The following NAT16 variants were observed in gnomAD, a reference collection of about 807,000 sequenced individuals.
The protein encoded by NAT16 is probable N-acetyltransferase 16.
NAT16 carries 16 observed loss-of-function variants against 15.9 expected under a neutral mutation model. That is an observed-to-expected ratio of 1.01 (90% CI 0.68 to 1.53). The LOEUF (loss-of-function observed/expected upper bound fraction) is 1.53, where lower values mean the gene tolerates loss of function less well. Among genes scored for constraint, NAT16 ranks in the 40% most tolerant of loss-of-function variants. NAT16 has a pLI of 0.00. For missense variants in NAT16, 572 were observed against 508.4 expected, an observed-to-expected ratio of 1.13 and a Z score of -1.20; for synonymous variants, 260 against 241.9, an observed-to-expected ratio of 1.07 and a Z score of -0.69.
At chr7:101,174,043 G>A in intron 2 of NAT16, 1 of 241,810 alleles carries the variant, frequency 4.1e-6, no homozygotes, top group Non-Finnish European at 7.9e-6. Flanking sequence ...TCCACCTCTT[G>A]AGATGCTCCA....
In NAT16 at chr7:101,172,717, C is replaced by G; in HGVS notation, c.538-66G>C. 1 of 1,279,694 alleles carries G rather than the reference C, an allele frequency of 7.8e-7. No homozygotes were observed. The highest frequency in any genetic ancestry group is 1.6e-5 in the South Asian group (1 of 62,466). 79.3% of individuals were successfully genotyped at this position (1,279,694 alleles called of 1,614,324 possible). A position where few individuals can be genotyped will look rare whatever the true frequency, so the allele number is the denominator to read the frequency against. On this transcript the variant is annotated intron_variant, in intron 3 of 3. Coordinates refer to ENST00000300303, the MANE Select transcript of NAT16 (RefSeq NM_198571.3). The surrounding 1 kb of genome is among the most constrained non-coding windows in gnomAD (Gnocchi z 4.2). ...CAGGGCTGGCGAGCCCGGCGCCTCT[C>G]GGCAGGCATCTTCACTCCCACGTTC...
intron 1 of NAT16, among the ~76,000 whole-genome samples, chr7:101,179,769 G>T (rs1797551699): frequency 6.6e-6 from 1 of 151,660 alleles, no homozygotes; most frequent in African/African-American, 2.4e-5. Context: ...GATTGCAAAG[G>T]GAGCGATCTG....
chr7:101,177,866 C>T (rs4729667), intron 1 of NAT16, among the ~76,000 whole-genome samples: 80,230 of 151,968 alleles, frequency 0.53, 23,071 homozygotes, highest in Admixed American at 0.63. Context: ...CCAGCCCAAG[C>T]CCCAGACCTC....
Position 101,174,943 on chromosome 7 carries a change from C to CTTAT in NAT16, c.-4-136_-4-133dup, listed in dbSNP as rs796218591. On this transcript the variant is annotated intron_variant, in intron 1 of 3. Transcript: ENST00000300303. ...CTTTTTCTTTTCTTTTATTTATTTA[C>CTTAT]TTATTTACTTATTTATTTATTTATT... 2.4e-5 allele frequency: 27 copies of CTTAT among 1,130,236 alleles called. No individual in the cohort carries two copies. In the African/African-American group the frequency reaches 4.0e-4, roughly 17 times the overall value. 70.0% of individuals were successfully genotyped at this position (1,130,236 alleles called of 1,614,324 possible). A position where few individuals can be genotyped will look rare whatever the true frequency, so the allele number is the denominator to read the frequency against.
intron 1 of NAT16, among the ~76,000 whole-genome samples, chr7:101,178,891 A>AAAAAAT (rs1797529429): frequency 8.8e-6 from 1 of 113,212 alleles, no homozygotes; most frequent in Non-Finnish European, 2.2e-5. Context: ...AACGCTGTCA[A>AAAAAAT]AAAAAAAAAA....
In NAT16 at chr7:101,172,539, G is replaced by C. The variant is rs749290510; in HGVS notation, c.650C>G (p.Ser217Cys). The change falls in exon 4 of 4, where the codon TCC (serine) becomes TGC (cysteine). Residue 217 changes from serine (S) to cysteine (C), a missense_variant. Physicochemically the swap from Ser to Cys is moderately radical, Grantham distance 112. Coordinates refer to ENST00000300303, the MANE Select transcript of NAT16 (RefSeq NM_198571.3). This position sits in a 1 kb window ranked among gnomAD's most constrained non-coding sequence, Gnocchi z 4.2. ...GCGTGCCACGTCGCCGCCTGCCTCG[G>C]ACACGGCCTCGGTGGGCAGCGGCGA... ...TFSPLPTEAVSEAGGDVARLL... is the reference protein window; with the variant it reads ...TFSPLPTEAVCEAGGDVARLL... The C allele has an allele frequency of 2.5e-6, 4 of 1,568,728 alleles. No individual in the cohort carries two copies. In the Admixed American group the frequency reaches 5.4e-5, roughly 21 times the overall value.
Sources: gnomAD v4.1 joint callset for allele counts (sites outside exome capture counted in the v4.1 genomes callset) on GRCh38, gnomAD v4.1.1 for gene constraint, Gnocchi (gnomAD v3.1) non-coding constraint, MANE v1.5 for transcripts, NCBI Gene and HGNC (gene_info 2026-07-23, HGNC 2026-07-21) for gene names.